The following RPTOR variants were observed in gnomAD, a reference collection of about 807,000 sequenced individuals.
The protein encoded by RPTOR is regulatory associated protein of MTOR complex 1.
A neutral mutation model predicts 169.9 loss-of-function variants in RPTOR; 21 were observed. The ratio of observed to expected loss-of-function variants is 0.12; its 90% CI spans 0.09 to 0.18. RPTOR has a LOEUF of 0.18. Among genes scored for constraint, RPTOR ranks in the 10% least tolerant of loss-of-function variants. The pLI is 1.00. For synonymous variants in RPTOR, 732 were observed against 753.2 expected, an observed-to-expected ratio of 0.97 and a Z score of 0.46; for missense variants, 1,133 against 1,855.9, an observed-to-expected ratio of 0.61 and a Z score of 7.16.
At chr17:80,768,692 C>T (rs2066812391) in intron 6 of RPTOR, among the ~76,000 whole-genome samples, 2 of 152,142 alleles carry the variant, frequency 1.3e-5, no homozygotes, top group African/African-American at 2.4e-5. Flanking sequence ...TGAAATCATA[C>T]CTACTAATCG....
chr17:80,925,985 C>A (rs935453963), intron 24 of RPTOR, among the ~76,000 whole-genome samples: 2 of 152,212 alleles, frequency 1.3e-5, no homozygotes, highest in Non-Finnish European at 2.9e-5. Context: ...TCGGCCTCTT[C>A]GAGGAATGGG....
chr17:80,918,521 GCGGGGGTCATAGCCATGAGCACCCTCA>G (rs6146167), intron 21 of RPTOR, among the ~76,000 whole-genome samples: 38,800 of 129,628 alleles, frequency 0.3, 7,530 homozygotes, highest in Middle Eastern at 0.38. Flanking sequence ...GAGCACCCTC[GCGGGGGTCATAGCCATGAGCACCCTCA>G]CGGGGGTCAT....
chr17:80,793,789 A>T (rs2067073879), intron 7 of RPTOR, among the ~76,000 whole-genome samples: 1 of 152,266 alleles, frequency 6.6e-6, no homozygotes. Flanking sequence ...TCACCTAGTG[A>T]TGACAACAAA....
chr17:80,605,012 G>C (rs7222238), intron 1 of RPTOR, among the ~76,000 whole-genome samples: 3 of 150,154 alleles, frequency 2.0e-5, no homozygotes, highest in Non-Finnish European at 4.4e-5. Context: ...CTCTTGCCTC[G>C]TCCTCCCAAA....
chr17:80,878,638 G>A lies in RPTOR; in HGVS notation c.1510-1777G>A, dbSNP rs4969283. 1.8e-3 allele frequency among the ~76,000 whole-genome samples: 275 copies of A among 152,192 alleles called. No homozygotes were observed. The East Asian group carries it at 0.025, about 14-fold the overall frequency. The stretch of plus-strand genomic sequence containing the variant: ...TGGGATTATAGGCATGAGCCACCAC[G>A]CCCAGCTGAGCACAGATTTTTAAAA... On this transcript the variant is annotated intron_variant, in intron 13 of 33. Coordinates refer to ENST00000306801, the MANE Select transcript of RPTOR (RefSeq NM_020761.3). This position sits in a 1 kb window ranked among gnomAD's most constrained non-coding sequence, Gnocchi z 4.1.
intron 1 of RPTOR, among the ~76,000 whole-genome samples, chr17:80,590,431 T>C (rs1312625468): frequency 6.7e-6 from 1 of 148,474 alleles, no homozygotes; most frequent in Non-Finnish European, 1.5e-5. Flanking sequence ...GTGCACACAG[T>C]GTCTTTAATG....
chr17:80,855,633 G>T, intron 12 of RPTOR, 86 bp downstream of exon 12: 2 of 1,064,598 alleles, frequency 1.9e-6, no homozygotes, highest in South Asian at 1.3e-5. Flanking sequence ...CGTATTTCAT[G>T]ATCCAGAGCC....
chr17:80,710,271 A>C (rs962576798), intron 4 of RPTOR, among the ~76,000 whole-genome samples: 1 of 151,968 alleles, frequency 6.6e-6, no homozygotes, highest in Non-Finnish European at 1.5e-5. Flanking sequence ...CTGGGATTAC[A>C]GCGTGAGCCA....
At chr17:80,886,176 G>T (rs1300028849) in intron 17 of RPTOR, among the ~76,000 whole-genome samples, 1 of 152,246 alleles carries the variant, frequency 6.6e-6, no homozygotes, top group African/African-American at 2.4e-5. Flanking sequence ...TGGTCCAGGG[G>T]CCTGGGGGTT....
chr17:80,652,932 G>T (rs2065651979), intron 3 of RPTOR, among the ~76,000 whole-genome samples: 1 of 152,190 alleles, frequency 6.6e-6, no homozygotes, highest in Admixed American at 6.5e-5. Context: ...TTATTATTAT[G>T]ATAGTCCTAG....
chr17:80,743,792 TACTAGCACAGC>T (rs2066515718), intron 5 of RPTOR, among the ~76,000 whole-genome samples: 6 of 128,106 alleles, frequency 4.7e-5, no homozygotes, highest in South Asian at 2.7e-4. Context: ...GAGCCCTGGC[TACTAGCACAGC>T]CCTGGCTACT....
Position 80,730,758 on chromosome 17 carries a change from T to TTTTGGCGG in RPTOR, c.654+52_654+53insTTTGGCGG. 1.3e-5 allele frequency: 6 copies of TTTTGGCGG among 467,248 alleles called. No individual in the cohort carries two copies. The highest frequency in any genetic ancestry group is 6.0e-5 in the East Asian group (1 of 16,766). The allele number at this position is 467,248 out of a possible 1,614,324, so 28.9% of individuals were successfully genotyped here. On this transcript the variant is annotated intron_variant, in intron 5 of 33. Transcript: ENST00000306801. This position sits in a 1 kb window ranked among gnomAD's most constrained non-coding sequence, Gnocchi z 4.2. ...GTGCTGGGTTTGGTTTTGTTTTCCCTGGGGGTGGGGTTTGGGTGGGGAGGT... is the reference window on the plus strand; with the variant it reads ...GTGCTGGGTTTGGTTTTGTTTTCCCTTTTGGCGGGGGGGTGGGGTTTGGGTGGGGAGGT...
chr17:80,934,924 T>G (rs914591177), intron 24 of RPTOR, among the ~76,000 whole-genome samples: 1 of 151,796 alleles, frequency 6.6e-6, no homozygotes, highest in African/African-American at 2.4e-5. Flanking sequence ...CAGTGGCTCA[T>G]GCCTGTAATC....
chr17:80,831,037 C>T (rs907747512), intron 9 of RPTOR, among the ~76,000 whole-genome samples: 6 of 152,250 alleles, frequency 3.9e-5, no homozygotes, highest in Middle Eastern at 6.8e-3. Flanking sequence ...TGTGCCACCG[C>T]GCCCAATAGG....
chr17:80,692,390 C>T (rs906950526), intron 3 of RPTOR, among the ~76,000 whole-genome samples: 8 of 152,158 alleles, frequency 5.3e-5, no homozygotes, highest in African/African-American at 1.7e-4. Flanking sequence ...GGCATGATCT[C>T]GGCTCACCGC....
chr17:80,864,608 T>C (rs560086297), intron 13 of RPTOR, among the ~76,000 whole-genome samples: 230 of 151,794 alleles, frequency 1.5e-3, no homozygotes, highest in Non-Finnish European at 2.0e-3. Context: ...AGATGAAAGC[T>C]TATCCCCGGC....
intron 1 of RPTOR, among the ~76,000 whole-genome samples, chr17:80,604,642 A>G (rs1380434128): frequency 3.3e-5 from 5 of 152,208 alleles, no homozygotes; most frequent in African/African-American, 1.2e-4. Context: ...GTTTAATGGA[A>G]TCACAGTTCC....
chr17:80,857,727 C>T, intron 12 of RPTOR, 63 bp from the exon 13 acceptor site: 3 of 1,188,056 alleles, frequency 2.5e-6, no homozygotes, highest in South Asian at 1.3e-5. Flanking sequence ...CCGCGTGGCA[C>T]CCCTGCTGCT....
intron 1 of RPTOR, among the ~76,000 whole-genome samples, chr17:80,583,196 T>TTTTTTTTTTTTGTTTTTTTTTG (rs1555717407): frequency 5.1e-5 from 7 of 137,356 alleles, no homozygotes; most frequent in East Asian, 2.1e-4. Context: ...TTTTTTTTTT[T>TTTTTTTTTTTTGTTTTTTTTTG]TTTTTTTTTT....
Sources: allele counts gnomAD v4.1 joint callset (sites outside exome capture counted in the v4.1 genomes callset), GRCh38; gene constraint gnomAD v4.1.1; non-coding constraint Gnocchi (gnomAD v3.1); transcripts MANE v1.5; gene names NCBI Gene and HGNC (gene_info 2026-07-23, HGNC 2026-07-21).